Variants in PPTC7 observed in about 807,000 individuals in gnomAD.
PPTC7 encodes protein phosphatase targeting COQ7.
Under a neutral mutation model 30.8 loss-of-function variants are expected in PPTC7, and 6 were observed. The observed-to-expected ratio is 0.19, with a 90% CI of 0.11 to 0.38. The LOEUF (loss-of-function observed/expected upper bound fraction) is 0.38. Among genes scored for constraint, PPTC7 ranks in the 10% least tolerant of loss-of-function variants. The pLI, the probability that PPTC7 is intolerant of heterozygous loss-of-function variation, is 1.00. For missense variants in PPTC7, 218 were observed against 404.8 expected, an observed-to-expected ratio of 0.54 and a Z score of 3.96; for synonymous variants, 163 against 168.1, an observed-to-expected ratio of 0.97 and a Z score of 0.23.
At chr12:110,582,663 C>A in intron 1 of PPTC7, 146 bp downstream of exon 1, 1 of 691,536 alleles carries the variant, frequency 1.4e-6, no homozygotes, top group South Asian at 2.0e-5. Context: ...GAGCGCTTGG[C>A]ACGGCGCCTG....
At chr12:110,545,226 G>A (rs1174780973) in intron 3 of PPTC7, among the ~76,000 whole-genome samples, 1 of 152,116 alleles carries the variant, frequency 6.6e-6, no homozygotes, top group Non-Finnish European at 1.5e-5. Flanking sequence ...CTGAGTAGCT[G>A]GGACTACAGG....
At chr12:110,565,950 G>C in intron 1 of PPTC7, among the ~76,000 whole-genome samples, 1 of 152,212 alleles carries the variant, frequency 6.6e-6, no homozygotes, top group Non-Finnish European at 1.5e-5. Flanking sequence ...AAGGATGAAA[G>C]AAAATGAGTT....
chr12:110,539,014 T>C (rs1482523190), intron 4 of PPTC7, among the ~76,000 whole-genome samples: 1 of 152,228 alleles, frequency 6.6e-6, no homozygotes, highest in African/African-American at 2.4e-5. Context: ...GTAGGGACTG[T>C]GTAGATTCTG....
chr12:110,559,821 C>A (rs546346816), intron 1 of PPTC7, among the ~76,000 whole-genome samples: 1 of 151,900 alleles, frequency 6.6e-6, no homozygotes, highest in African/African-American at 2.4e-5. Context: ...CGGCCTCAAA[C>A]TCCTGAGCTC....
At chr12:110,543,334 CAT>C (rs2064278436) in intron 3 of PPTC7, among the ~76,000 whole-genome samples, 2 of 151,092 alleles carry the variant, frequency 1.3e-5, no homozygotes, top group South Asian at 4.2e-4. Flanking sequence ...AGATAATCAA[CAT>C]TTTGTAAAAA....
intron 1 of PPTC7, among the ~76,000 whole-genome samples, chr12:110,575,049 CA>C (rs1367610924): frequency 2.0e-5 from 3 of 151,552 alleles, no homozygotes; most frequent in Admixed American, 6.6e-5. Context: ...CTTGGCCTCC[CA>C]AAGTTCTGGG....
chr12:110,551,981 C>G lies in PPTC7; in HGVS notation c.224-13G>C, dbSNP rs771609552. The G allele has an allele frequency of 6.3e-7, 1 of 1,590,890 alleles. No homozygotes were observed. Among genetic ancestry groups the G allele is most frequent in the Non-Finnish European group, 8.6e-7 (1 of 1,167,008 alleles). On this transcript the variant is annotated splice_polypyrimidine_tract_variant and intron_variant, in intron 1 of 5. Transcript: ENST00000354300. ...CCATCTGCAACCCCTGAAGAAAAAA[C>G]AAAAATTACAGTAAAAGAACAATCT...
chr12:110,573,945 C>A (rs2135793842), intron 1 of PPTC7, among the ~76,000 whole-genome samples: 1 of 151,714 alleles, frequency 6.6e-6, no homozygotes, highest in South Asian at 2.1e-4. Context: ...TGTGCCATTG[C>A]ATTCCAGCCT....
intron 1 of PPTC7, among the ~76,000 whole-genome samples, chr12:110,570,994 C>G (rs1192819765): frequency 6.6e-6 from 1 of 152,274 alleles, no homozygotes; most frequent in Non-Finnish European, 1.5e-5. Flanking sequence ...GTAGGGGCAA[C>G]CCACCCCTAC....
intron 3 of PPTC7, 95 bp downstream of exon 3, chr12:110,545,785 T>C (rs2064301464): frequency 1.0e-5 from 11 of 1,098,086 alleles, no homozygotes; most frequent in Non-Finnish European, 1.5e-5. Flanking sequence ...ATTCTTTTCA[T>C]GGAAATGCCT....
chr12:110,556,555 A>G (rs1441567896), intron 1 of PPTC7, among the ~76,000 whole-genome samples: 1 of 152,242 alleles, frequency 6.6e-6, no homozygotes, highest in Non-Finnish European at 1.5e-5. Context: ...ATCCAGATAT[A>G]AAGGGAAATT....
rs1396480884 is a variant in PPTC7 at position 110,583,232 on chromosome 12, C to G, written c.-201G>C. Reference sequence around the variant, plus strand: ...GCGCGCACCGGAGCCAGAGCGAGGTCAGAAGCGGCGGCTCCTCCGCCTCAG... The same window carrying G: ...GCGCGCACCGGAGCCAGAGCGAGGTGAGAAGCGGCGGCTCCTCCGCCTCAG... On this transcript the variant is annotated 5_prime_UTR_variant, in exon 1 of 6. The change abolishes the stop of an existing upstream ORF in the 5' untranslated region. Coordinates refer to ENST00000354300, the MANE Select transcript of PPTC7 (RefSeq NM_139283.2). The G allele has an allele frequency of 5.2e-6, 1 of 191,962 alleles. No individual in the cohort carries two copies. The highest frequency in any genetic ancestry group is 1.0e-5 in the Non-Finnish European group (1 of 97,728). 11.9% of individuals were successfully genotyped at this position (191,962 alleles called of 1,614,324 possible).
chr12:110,545,510 C>G (rs901081999), intron 3 of PPTC7, among the ~76,000 whole-genome samples: 1 of 152,222 alleles, frequency 6.6e-6, no homozygotes, highest in Non-Finnish European at 1.5e-5. Flanking sequence ...GTGCTCTTCC[C>G]TAACAATGTA....
intron 2 of PPTC7, 105 bp downstream of exon 2, chr12:110,551,683 AG>A (rs1201786908): frequency 3.9e-6 from 4 of 1,029,004 alleles, no homozygotes; most frequent in Non-Finnish European, 4.4e-6. Context: ...TCTGCTTAGT[AG>A]GAAGAGCCTC....
chr12:110,551,199 A>C (rs1002033376), intron 2 of PPTC7, among the ~76,000 whole-genome samples: 1 of 152,200 alleles, frequency 6.6e-6, no homozygotes, highest in Non-Finnish European at 1.5e-5. Context: ...ATTGTGCAAG[A>C]GTTTCTCTAG....
chr12:110,556,386 A>T (rs1242178712), intron 1 of PPTC7, among the ~76,000 whole-genome samples: 6 of 152,270 alleles, frequency 3.9e-5, no homozygotes, highest in Admixed American at 3.9e-4. Flanking sequence ...TGGGATGAGA[A>T]TCAGACTAAA....
chr12:110,553,569 A>G (rs552817280), intron 1 of PPTC7, among the ~76,000 whole-genome samples: 2 of 152,218 alleles, frequency 1.3e-5, no homozygotes, highest in South Asian at 4.1e-4. Context: ...ACTTGGGCTC[A>G]GGAGTTCAAG....
intron 1 of PPTC7, among the ~76,000 whole-genome samples, chr12:110,582,049 C>A (rs1034074113): frequency 2.0e-5 from 3 of 152,192 alleles, no homozygotes; most frequent in Non-Finnish European, 4.4e-5. Context: ...CTCCCACCCC[C>A]AAAAGGTATA....
intron 3 of PPTC7, 33 bp from the exon 4 acceptor site, chr12:110,539,978 G>A: frequency 6.2e-7 from 1 of 1,608,578 alleles, no homozygotes; most frequent in Non-Finnish European, 8.5e-7. Context: ...ACAAAGTTAA[G>A]AAGGCCCTTT....
Sources: gnomAD v4.1 joint callset for allele counts (sites outside exome capture counted in the v4.1 genomes callset) on GRCh38, gnomAD v4.1.1 for gene constraint, MANE v1.5 for transcripts, NCBI Gene and HGNC (gene_info 2026-07-23, HGNC 2026-07-21) for gene names.